The following JAKMIP3 variants were observed in gnomAD, a reference collection of about 807,000 sequenced individuals.
The protein encoded by JAKMIP3 is janus kinase and microtubule-interacting protein 3.
Under a neutral mutation model 118.5 loss-of-function variants are expected in JAKMIP3, and 58 were observed. The observed-to-expected ratio is 0.49, with a 90% confidence interval of 0.40 to 0.61. The LOEUF is 0.61. Among genes scored for constraint, JAKMIP3 ranks in the 20% least tolerant of loss-of-function variants. The pLI is 0.00. For synonymous variants in JAKMIP3, 486 were observed against 451.2 expected (o/e 1.08, Z -0.98); for missense variants, 950 against 1,109.0 (o/e 0.86, Z 2.04).
rs138686063 is a variant in JAKMIP3 at position 132,132,461 on chromosome 10, C to T, written c.634-851C>T. On this transcript the variant is annotated intron_variant, in intron 3 of 23. Transcript: ENST00000684848. The stretch of plus-strand genomic sequence containing the variant: ...TGGCTGGCACATTCCTGCCCGGAAG[C>T]GGGGCGGGGTACTTGCAGGCAGCGG... Among the ~76,000 whole-genome samples the T allele has an allele frequency of 5.5e-3, 821 of 148,546 alleles. 8 individuals are homozygous for T. The highest frequency in any genetic ancestry group is 8.7e-3 in the Admixed American group (130 of 14,964).
At chr10:132,048,064 G>A (rs1412509744) in intron 1 of JAKMIP3, among the ~76,000 whole-genome samples, 1 of 152,230 alleles carries the variant, frequency 6.6e-6, no homozygotes, top group Non-Finnish European at 1.5e-5. Flanking sequence ...GGGTTCTCTC[G>A]TGACGGGAAC....
intron 1 of JAKMIP3, among the ~76,000 whole-genome samples, chr10:132,053,689 C>T (rs766912529): frequency 6.6e-6 from 1 of 152,118 alleles, no homozygotes; most frequent in African/African-American, 2.4e-5. Context: ...CTCATTGTTT[C>T]CATGGTTTGA....
intron 19 of JAKMIP3, among the ~76,000 whole-genome samples, chr10:132,158,635 T>C (rs965574899): frequency 2.0e-5 from 3 of 150,486 alleles, no homozygotes; most frequent in Non-Finnish European, 4.4e-5. Flanking sequence ...GAGGAGCATC[T>C]TCCTGTGAGA....
At chr10:132,107,440 A>C (rs917762868) in intron 2 of JAKMIP3, among the ~76,000 whole-genome samples, 1 of 152,042 alleles carries the variant, frequency 6.6e-6, no homozygotes, top group African/African-American at 2.4e-5. Context: ...CCCGCTGGGC[A>C]CCCTGCGGGG....
chr10:132,161,102 G>A (rs2058189106), intron 19 of JAKMIP3, among the ~76,000 whole-genome samples: 2 of 82,638 alleles, frequency 2.4e-5, no homozygotes, highest in Non-Finnish European at 5.0e-5. Flanking sequence ...TGTGATGCTG[G>A]GGGGGGTCTA....
intron 4 of JAKMIP3, among the ~76,000 whole-genome samples, chr10:132,134,283 G>A (rs932463209): frequency 2.6e-5 from 4 of 152,178 alleles, no homozygotes; most frequent in African/African-American, 4.8e-5. Flanking sequence ...CTGCTTGTTC[G>A]CTTTGAGGAT....
chr10:132,076,701 G>A (rs1589757200), intron 1 of JAKMIP3, among the ~76,000 whole-genome samples: 3 of 149,586 alleles, frequency 2.0e-5, no homozygotes, highest in South Asian at 2.1e-4. Flanking sequence ...CGGTGGCCCC[G>A]GGTCTTACCG....
At chr10:132,140,646 G>C (rs111390655) in intron 10 of JAKMIP3, 67 bp downstream of exon 10, 4 of 1,275,634 alleles carry the variant, frequency 3.1e-6, no homozygotes, top group Admixed American at 6.2e-5. Flanking sequence ...CCGGGTCCTG[G>C]GCTTGGAGGA....
intron 19 of JAKMIP3, among the ~76,000 whole-genome samples, chr10:132,157,882 C>A (rs1248752829): frequency 6.6e-6 from 1 of 151,892 alleles, no homozygotes; most frequent in East Asian, 1.9e-4. Context: ...GAGGGCCTGG[C>A]AGAATTTGGG....
rs1446060656 is a variant in JAKMIP3 at position 132,180,768 on chromosome 10, T to TGC, written c.*1104-1587_*1104-1586dup. ...GTGCGCGCGCGTGTGTGCGTGTGTG[T>TGC]GCGTGTGTGTGTGTGCGCGTATGCA... On this transcript the variant is annotated intron_variant, in intron 23 of 23. Transcript: ENST00000684848. Among the ~76,000 whole-genome samples the TGC allele has an allele frequency of 3.4e-3, 110 of 32,504 alleles. 23 individuals carry two copies. Among genetic ancestry groups the TGC allele is most frequent in the Middle Eastern group, 0.011 (1 of 88 alleles). 21.3% of individuals were successfully genotyped at this position (32,504 alleles called of 152,430 possible). A position where few individuals can be genotyped will look rare whatever the true frequency, so the allele number is the denominator to read the frequency against.
At chr10:132,094,081 G>C (rs1483140897) in intron 1 of JAKMIP3, among the ~76,000 whole-genome samples, 1 of 151,932 alleles carries the variant, frequency 6.6e-6, no homozygotes, top group Non-Finnish European at 1.5e-5. Flanking sequence ...GGGACTACAG[G>C]CTCACACCAC....
At chr10:132,084,779 A>G (rs746376123) in intron 1 of JAKMIP3, among the ~76,000 whole-genome samples, 1 of 152,198 alleles carries the variant, frequency 6.6e-6, no homozygotes, top group African/African-American at 2.4e-5. Flanking sequence ...AGTTTTAATT[A>G]TAAAGGGATG....
intron 1 of JAKMIP3, among the ~76,000 whole-genome samples, chr10:132,057,828 G>GT (rs2038281475): frequency 6.6e-6 from 1 of 152,224 alleles, no homozygotes; most frequent in Non-Finnish European, 1.5e-5. Flanking sequence ...CCTCAACCCA[G>GT]CATGAATGCA....
At chr10:132,131,697 T>C (rs1019235480) in intron 3 of JAKMIP3, among the ~76,000 whole-genome samples, 1 of 152,046 alleles carries the variant, frequency 6.6e-6, no homozygotes, top group African/African-American at 2.4e-5. Context: ...AGTGGGGTGA[T>C]GCTTGCAGCC....
chr10:132,135,830 G>A (rs1166193245), intron 5 of JAKMIP3, 100 bp from the exon 6 acceptor site: 28 of 1,294,942 alleles, frequency 2.2e-5, no homozygotes, highest in South Asian at 4.5e-5. Context: ...TGGGGACTGC[G>A]TTGTTGCAGC....
chr10:132,159,198 C>T (rs113008070), intron 19 of JAKMIP3, among the ~76,000 whole-genome samples: 12 of 10,120 alleles, frequency 1.2e-3, no homozygotes, highest in African/African-American at 5.1e-3. Context: ...GGGCATCTCT[C>T]CCTGTGTGAT....
At chr10:132,114,600 C>T (rs2047346852) in intron 2 of JAKMIP3, among the ~76,000 whole-genome samples, 1 of 152,158 alleles carries the variant, frequency 6.6e-6, no homozygotes, top group South Asian at 2.1e-4. Flanking sequence ...TTTGCATTTC[C>T]ATCTACATTT....
rs1286760394 is a variant in JAKMIP3, at chr10:132,049,418, A to G, written c.-138+12680A>G. Among the ~76,000 whole-genome samples the G allele has an allele frequency of 6.6e-6, 1 of 151,776 alleles. No individual in the cohort carries two copies. Among genetic ancestry groups the G allele is most frequent in the African/African-American group, 2.4e-5 (1 of 41,316 alleles). On this transcript the variant is annotated intron_variant, in intron 1 of 23. Transcript: ENST00000657785. The surrounding 1 kb of genome is among the most constrained non-coding windows in gnomAD (Gnocchi z 4.3). ...TGTTTCTCCCCTTGCCTATTCTTCA[A>G]CTGCCTCTTATTAAATTGTCGTTTG... is the stretch of plus-strand genomic sequence containing the variant.
intron 1 of JAKMIP3, among the ~76,000 whole-genome samples, chr10:132,069,658 G>A (rs111285327): frequency 0.022 from 3,390 of 152,242 alleles, 100 homozygotes; most frequent in South Asian, 0.12. Context: ...ATTAAAGAGC[G>A]CAATTGGCAG....
Sources: gnomAD v4.1 joint callset for allele counts (sites outside exome capture counted in the v4.1 genomes callset) on GRCh38, gnomAD v4.1.1 for gene constraint, Gnocchi (gnomAD v3.1) non-coding constraint, MANE v1.5 for transcripts, NCBI Gene and HGNC (gene_info 2026-07-23, HGNC 2026-07-21) for gene names.